The following PCDH15 variants were observed in gnomAD, a reference collection of about 807,000 sequenced individuals.
PCDH15 encodes the protein protocadherin-15.
Under a neutral mutation model 178.5 loss-of-function variants are expected in PCDH15, and 129 were observed. The ratio of observed to expected loss-of-function variants is 0.72; its 90% CI spans 0.63 to 0.84. The LOEUF (loss-of-function observed/expected upper bound fraction) is 0.84, where lower values mean the gene tolerates loss of function less well. PCDH15 is among the 40% of genes least tolerant of loss of function. The pLI is 0.00. For synonymous variants in PCDH15, 800 were observed against 732.0 expected (o/e 1.09, Z -1.50); for missense variants, 2,230 against 2,099.9 (o/e 1.06, Z -1.21).
intron 2 of PCDH15, among the ~76,000 whole-genome samples, chr10:55,569,419 A>G (rs1190063885): frequency 1.3e-5 from 2 of 152,000 alleles, no homozygotes; most frequent in Admixed American, 6.6e-5. Flanking sequence ...TACTCTGTCC[A>G]CTTCTAGGAC....
chr10:54,610,195 T>C (rs959873253), intron 2 of PCDH15, among the ~76,000 whole-genome samples: 2 of 149,700 alleles, frequency 1.3e-5, no homozygotes, highest in Admixed American at 6.6e-5. Flanking sequence ...TTTTCAAATA[T>C]AGTATTTCAC....
Position 53,810,647 on chromosome 10 carries a change from T to C in PCDH15, c.4580A>G (p.Tyr1527Cys), listed in dbSNP as rs1340560157. ...SYEHGYEMPQYGSRRRLLPPA... is the reference protein window; with the variant it reads ...SYEHGYEMPQCGSRRRLLPPA... ...TGGTAACAATCGACGGCGACTCCCA[T>C]ATTGAGGCATTTCATACCTGTAATA... The change falls in exon 37 of 38, where the codon TAT becomes TGT. Residue 1527 changes from tyrosine to cysteine, a missense_variant. By Grantham distance (194) the Tyr-to-Cys change is radical. Coordinates refer to ENST00000644397, the MANE Select transcript of PCDH15 (RefSeq NM_001384140.1). 1 of 1,613,622 alleles carries C rather than the reference T, an allele frequency of 6.2e-7. No homozygotes were observed. The highest frequency in any genetic ancestry group is 8.5e-7 in the Non-Finnish European group (1 of 1,179,730).
intron 3 of PCDH15, among the ~76,000 whole-genome samples, chr10:54,403,644 G>A (rs1367254990): frequency 6.6e-6 from 1 of 151,944 alleles, no homozygotes; most frequent in Admixed American, 6.6e-5. Flanking sequence ...AAGAGAGGAA[G>A]TCAAACTACC....
intron 2 of PCDH15, among the ~76,000 whole-genome samples, chr10:54,539,064 C>T (rs1565541572): frequency 6.6e-6 from 1 of 152,208 alleles, no homozygotes; most frequent in Middle Eastern, 3.4e-3. Context: ...GTATGAAATG[C>T]TTTTTCCATT....
chr10:55,597,696 A>T (rs1459576977), intron 2 of PCDH15, among the ~76,000 whole-genome samples: 1 of 152,128 alleles, frequency 6.6e-6, no homozygotes, highest in African/African-American at 2.4e-5. Flanking sequence ...CTGCTAATTC[A>T]ACTTTTTTAA....
chr10:54,397,798 C>T (rs1951434451), intron 3 of PCDH15, among the ~76,000 whole-genome samples: 1 of 151,912 alleles, frequency 6.6e-6, no homozygotes, highest in Admixed American at 6.6e-5. Flanking sequence ...CCAAAAGATA[C>T]TTCTGCCAGA....
At chr10:55,047,115 A>G (rs1841028155) in intron 2 of PCDH15, among the ~76,000 whole-genome samples, 1 of 151,932 alleles carries the variant, frequency 6.6e-6, no homozygotes, top group Non-Finnish European at 1.5e-5. Context: ...ACAAAATGTT[A>G]TCTGATAAAT....
At chr10:55,570,923 T>C (rs1479074098) in intron 2 of PCDH15, among the ~76,000 whole-genome samples, 1 of 152,086 alleles carries the variant, frequency 6.6e-6, no homozygotes, top group Non-Finnish European at 1.5e-5. Context: ...TTGTTCCCCA[T>C]GTTAAAACTT....
chr10:54,439,588 CA>C (rs201523785), intron 3 of PCDH15, among the ~76,000 whole-genome samples: 3,854 of 151,890 alleles, frequency 0.025, 165 homozygotes, highest in African/African-American at 0.088. Flanking sequence ...CATTTGGAAG[CA>C]GTGGGGAAAA....
intron 2 of PCDH15, among the ~76,000 whole-genome samples, chr10:54,604,824 T>A (rs549079341): frequency 6.6e-6 from 1 of 151,780 alleles, no homozygotes; most frequent in Non-Finnish European, 1.5e-5. Flanking sequence ...TCTTGATGTC[T>A]TATTTTGTGT....
chr10:54,860,440 T>G (rs1002300066), intron 3 of PCDH15, among the ~76,000 whole-genome samples: 1 of 152,202 alleles, frequency 6.6e-6, no homozygotes, highest in African/African-American at 2.4e-5. Context: ...CTTATGACAA[T>G]GGCCTCCAGC....
chr10:54,016,583 A>T (rs2092747526), intron 20 of PCDH15, among the ~76,000 whole-genome samples: 1 of 152,226 alleles, frequency 6.6e-6, no homozygotes, highest in East Asian at 1.9e-4. Flanking sequence ...CTTTGCAGCA[A>T]CATGGATGCA....
chr10:55,206,405 C>G (rs1284735814), intron 1 of PCDH15, among the ~76,000 whole-genome samples: 1 of 152,056 alleles, frequency 6.6e-6, no homozygotes, highest in Non-Finnish European at 1.5e-5. Flanking sequence ...TGGTGCACTC[C>G]ACAGACACTG....
intron 2 of PCDH15, among the ~76,000 whole-genome samples, chr10:54,914,876 T>A (rs1417504203): frequency 6.6e-6 from 1 of 152,286 alleles, no homozygotes; most frequent in East Asian, 1.9e-4. Context: ...TCGTCCTCAC[T>A]CAAGGACATG....
chr10:54,309,350 C>G (rs946379435), intron 8 of PCDH15, among the ~76,000 whole-genome samples: 1 of 150,842 alleles, frequency 6.6e-6, no homozygotes, highest in African/African-American at 2.5e-5. Flanking sequence ...CACACACACA[C>G]ACACACTTCA....
intron 19 of PCDH15, among the ~76,000 whole-genome samples, chr10:54,020,852 G>A (rs2135291463): frequency 6.6e-6 from 1 of 152,016 alleles, no homozygotes; most frequent in Admixed American, 6.6e-5. Context: ...AATAAATACT[G>A]AGTGATTTCC....
chr10:53,807,305 T>C (rs1265166162), intron 37 of PCDH15, among the ~76,000 whole-genome samples, 175 bp from the exon 38 acceptor site: 1 of 152,178 alleles, frequency 6.6e-6, no homozygotes, highest in Non-Finnish European at 1.5e-5. Flanking sequence ...CATCAATCCT[T>C]TATTGGCTTT....
At chr10:53,937,482 T>C (rs1158194130) in intron 25 of PCDH15, among the ~76,000 whole-genome samples, 1 of 152,222 alleles carries the variant, frequency 6.6e-6, no homozygotes, top group Non-Finnish European at 1.5e-5. Flanking sequence ...TAATTGCCTG[T>C]AGTTTAAAGA....
intron 3 of PCDH15, among the ~76,000 whole-genome samples, chr10:54,425,706 T>C (rs1174108802): frequency 1.3e-5 from 2 of 152,272 alleles, no homozygotes; most frequent in African/African-American, 4.8e-5. Flanking sequence ...CAGTCTGGCA[T>C]TGTGATAAAG....
Sources: allele counts gnomAD v4.1 joint callset (sites outside exome capture counted in the v4.1 genomes callset), GRCh38; gene constraint gnomAD v4.1.1; transcripts MANE v1.5; gene names NCBI Gene and HGNC (gene_info 2026-07-23, HGNC 2026-07-21).